RAP1GAP2: variants seen among roughly 807,000 people sequenced by gnomAD.
RAP1GAP2 encodes rap1 GTPase-activating protein 2.
Under a neutral mutation model 95.0 loss-of-function variants are expected in RAP1GAP2, and 27 were observed. The observed-to-expected ratio is 0.28, with a 90% confidence interval of 0.21 to 0.39. RAP1GAP2 has a LOEUF of 0.39. Among genes scored for constraint, RAP1GAP2 ranks in the 10% least tolerant of loss-of-function variants. RAP1GAP2 has a pLI of 1.00. For synonymous variants in RAP1GAP2, 373 were observed against 380.9 expected (o/e 0.98, Z 0.24); for missense variants, 771 against 970.0 (o/e 0.79, Z 2.72).
At chr17:2,779,917 G>A (rs2068599724) in intron 1 of RAP1GAP2, among the ~76,000 whole-genome samples, 1 of 152,014 alleles carries the variant, frequency 6.6e-6, no homozygotes, top group South Asian at 2.1e-4. Context: ...CAGCGTCTGG[G>A]GTGGTGGTAA....
rs2069100144 is a variant in RAP1GAP2 at position 2,796,762 on chromosome 17, C to T, written c.44+191C>T. Among the ~76,000 whole-genome samples the T allele has an allele frequency of 6.6e-6, 1 of 152,150 alleles. No homozygotes were observed. The highest frequency in any genetic ancestry group is 2.4e-5 in the African/African-American group (1 of 41,416). ...AGAGACCGTAAGCCTTCCCCACTGT[C>T]CCTGGGCACAATCTGCTGGCGAATC... On this transcript the variant is annotated intron_variant, in intron 1 of 24. Transcript: ENST00000254695. The surrounding 1 kb of genome is among the most constrained non-coding windows in gnomAD (Gnocchi z 4.7).
rs9893578 is a variant in RAP1GAP2, at chr17:3,002,251, A to C, written c.1201-3118A>C. Among the ~76,000 whole-genome samples, 1,416 of 152,250 alleles carry C rather than the reference A, an allele frequency of 9.3e-3. 25 individuals carry two copies. The highest frequency in any genetic ancestry group is 0.03 in the African/African-American group (1,252 of 41,540). ...GCTGGCATTACAGGCGTGAACCATC[A>C]TGCCTGGCTGTCTTTACTCTTTCTT... is the stretch of plus-strand genomic sequence containing the variant. On this transcript the variant is annotated intron_variant, in intron 14 of 24. Coordinates refer to ENST00000254695, the MANE Select transcript of RAP1GAP2 (RefSeq NM_015085.5).
At chr17:2,957,517 G>A (rs989468790) in intron 3 of RAP1GAP2, among the ~76,000 whole-genome samples, 1 of 152,214 alleles carries the variant, frequency 6.6e-6, no homozygotes, top group Non-Finnish European at 1.5e-5. Context: ...CTGAGTGTCT[G>A]CTCCCCCAGC....
rs1203654003 is a variant in RAP1GAP2 at position 2,855,127 on chromosome 17, G to A, written c.81-50157G>A. On this transcript the variant is annotated intron_variant, in intron 2 of 24. Transcript: ENST00000254695. The surrounding 1 kb of genome is among the most constrained non-coding windows in gnomAD (Gnocchi z 4.3). ...CAGGGAATACGGGGGACTTTGAGAA[G>A]CTGGCATGGATTGCCCTTGTGGTGG... Among the ~76,000 whole-genome samples, 1 of 152,202 alleles carries A rather than the reference G, an allele frequency of 6.6e-6. No homozygotes were observed. The highest frequency in any genetic ancestry group is 1.5e-5 in the Non-Finnish European group (1 of 68,042).
chr17:3,006,473 A>G (rs1454824504), intron 16 of RAP1GAP2, among the ~76,000 whole-genome samples: 1 of 134,792 alleles, frequency 7.4e-6, no homozygotes, highest in Non-Finnish European at 1.5e-5. Flanking sequence ...TCACTCTGTC[A>G]CCCAGGCTGG....
intron 2 of RAP1GAP2, among the ~76,000 whole-genome samples, chr17:2,880,576 A>G (rs1184119827): frequency 6.6e-6 from 1 of 151,264 alleles, no homozygotes; most frequent in African/African-American, 2.4e-5. Context: ...CCTCACTACC[A>G]TTCTCCAGAC....
chr17:2,865,930 C>T (rs982580295), intron 2 of RAP1GAP2, among the ~76,000 whole-genome samples: 71 of 152,276 alleles, frequency 4.7e-4, no homozygotes, highest in African/African-American at 1.5e-3. Context: ...CCCAAACGTT[C>T]ATTCACTCAT....
At chr17:2,761,432 G>C (rs2071247378) in intron 1 of RAP1GAP2, among the ~76,000 whole-genome samples, 1 of 151,728 alleles carries the variant, frequency 6.6e-6, no homozygotes. Context: ...GGGATTACAG[G>C]CATGTGCCAC....
At chr17:2,919,589 G>C (rs903548208) in intron 3 of RAP1GAP2, among the ~76,000 whole-genome samples, 2 of 152,188 alleles carry the variant, frequency 1.3e-5, no homozygotes, top group African/African-American at 4.8e-5. Flanking sequence ...GGGGCCAGGC[G>C]GGGGAGCAGC....
At position 2,964,007 on chromosome 17, in the gene RAP1GAP2, T is replaced by C. The variant is rs2044465243; in HGVS notation, c.431T>C (p.Phe144Ser). The change falls in exon 7 of 25, where the codon TTT becomes TCT. Residue 144 changes from phenylalanine to serine, a missense_variant. By Grantham distance (155) the Phe-to-Ser change is radical (BLOSUM62 -2). Coordinates refer to ENST00000254695, the MANE Select transcript of RAP1GAP2 (RefSeq NM_015085.5). Reference protein sequence around the residue: ...EEEDNLSPNTFGYKLECKGEA... With the variant: ...EEEDNLSPNTSGYKLECKGEA... Reference sequence around the variant, plus strand: ...GAGGACAACCTCAGCCCCAACACATTTGGCTACAAGCTCGAGTGCAAGGGT... The same window carrying C: ...GAGGACAACCTCAGCCCCAACACATCTGGCTACAAGCTCGAGTGCAAGGGT... 6.2e-7 allele frequency: 1 copy of C among 1,612,306 alleles called. No individual in the cohort carries two copies. Among genetic ancestry groups the C allele is most frequent in the East Asian group, 2.2e-5 (1 of 44,766 alleles).
chr17:2,813,834 G>A (rs1320474052), intron 2 of RAP1GAP2, among the ~76,000 whole-genome samples: 1 of 151,994 alleles, frequency 6.6e-6, no homozygotes, highest in Non-Finnish European at 1.5e-5. Context: ...ATGGTGGCAC[G>A]TGCCTGTAAT....
intron 1 of RAP1GAP2, among the ~76,000 whole-genome samples, chr17:2,781,814 C>T (rs1272774507): frequency 6.9e-6 from 1 of 145,280 alleles, no homozygotes; most frequent in Non-Finnish European, 1.5e-5. Context: ...GTGTGCACGT[C>T]TCTGTGTGTG....
At position 2,872,593 on chromosome 17, in the gene RAP1GAP2, C is replaced by G. The variant is rs150827880; in HGVS notation, c.81-32691C>G. 2.1e-3 allele frequency among the ~76,000 whole-genome samples: 317 copies of G among 152,060 alleles called. 4 individuals carry two copies. The highest frequency in any genetic ancestry group is 7.5e-3 in the African/African-American group (310 of 41,466). On this transcript the variant is annotated intron_variant, in intron 2 of 24. Coordinates refer to ENST00000254695, the MANE Select transcript of RAP1GAP2 (RefSeq NM_015085.5). Reference sequence around the variant, plus strand: ...AGTTTCTGTTACCCGCAGTCATGCGCGAGGGCCTTTTCTTCATGGCTTCCT... The same window carrying G: ...AGTTTCTGTTACCCGCAGTCATGCGGGAGGGCCTTTTCTTCATGGCTTCCT...
chr17:2,957,611 A>C (rs2044165961), intron 3 of RAP1GAP2, 148 bp from the exon 4 acceptor site: 1 of 957,170 alleles, frequency 1.0e-6, no homozygotes, highest in Admixed American at 2.5e-5. Context: ...CAAAGGCAAA[A>C]TCAAATTATC....
At chr17:2,927,339 G>A (rs993596364) in intron 3 of RAP1GAP2, among the ~76,000 whole-genome samples, 2 of 152,040 alleles carry the variant, frequency 1.3e-5, no homozygotes, top group South Asian at 4.1e-4. Context: ...ATTTTTAGTA[G>A]AGACGGGGTT....
chr17:2,893,511 TG>T (rs908797777), intron 2 of RAP1GAP2, among the ~76,000 whole-genome samples: 3 of 152,218 alleles, frequency 2.0e-5, no homozygotes, highest in Admixed American at 1.3e-4. Flanking sequence ...TTTTTTATTG[TG>T]ATAAATGTTA....
Position 2,796,696 on chromosome 17 carries a change from C to A in RAP1GAP2, c.44+125C>A. ...TGTGCCTGAGAGCTGGGTCTGCTGA[C>A]GCCCTGGCAGGTCGAGATGCAGGAT... is the stretch of plus-strand genomic sequence containing the variant. On this transcript the variant is annotated intron_variant, in intron 1 of 24. Coordinates refer to ENST00000254695, the MANE Select transcript of RAP1GAP2 (RefSeq NM_015085.5). This position sits in a 1 kb window ranked among gnomAD's most constrained non-coding sequence, Gnocchi z 4.7. 1 of 1,118,030 alleles carries A rather than the reference C, an allele frequency of 8.9e-7. No individual in the cohort carries two copies. Among genetic ancestry groups the A allele is most frequent in the Non-Finnish European group, 1.3e-6 (1 of 757,460 alleles). The allele number at this position is 1,118,030 out of a possible 1,614,324, so 69.3% of individuals were successfully genotyped here. A position where few individuals can be genotyped will look rare whatever the true frequency, so the allele number is the denominator to read the frequency against.
intron 3 of RAP1GAP2, among the ~76,000 whole-genome samples, chr17:2,935,983 C>T (rs997334971): frequency 2.6e-5 from 4 of 152,190 alleles, no homozygotes; most frequent in South Asian, 2.1e-4. Context: ...TTTCTGGTTT[C>T]GAGAGAAGAG....
At chr17:2,881,335 A>G (rs571632907) in intron 2 of RAP1GAP2, among the ~76,000 whole-genome samples, 82 of 151,564 alleles carry the variant, frequency 5.4e-4, no homozygotes, top group Non-Finnish European at 9.4e-4. Flanking sequence ...AAAGTTTAGG[A>G]TTTGGGAGCA....
Sources: gnomAD v4.1 joint callset for allele counts (sites outside exome capture counted in the v4.1 genomes callset) on GRCh38, gnomAD v4.1.1 for gene constraint, Gnocchi (gnomAD v3.1) non-coding constraint, MANE v1.5 for transcripts, NCBI Gene and HGNC (gene_info 2026-07-23, HGNC 2026-07-21) for gene names.